The following PCDHGB1 variants were observed in gnomAD, a reference collection of about 807,000 sequenced individuals.
The protein encoded by PCDHGB1 is protocadherin gamma subfamily B, 1.
In PCDHGB1, 34 loss-of-function variants were observed where a neutral mutation model predicts 56.6. The ratio of observed to expected loss-of-function variants is 0.60; its 90% CI spans 0.46 to 0.80. PCDHGB1 has a LOEUF of 0.80. Among genes scored for constraint, PCDHGB1 ranks in the 30% least tolerant of loss-of-function variants. The pLI is 0.00. For synonymous variants in PCDHGB1, 561 were observed against 505.9 expected (o/e 1.11, Z -1.46); for missense variants, 1,278 against 1,204.6 (o/e 1.06, Z -0.90).
At chr5:141,410,041 G>A (rs763879404) in intron 1 of PCDHGB1, 2 of 1,613,228 alleles carry the variant, frequency 1.2e-6, no homozygotes, top group East Asian at 2.2e-5. Flanking sequence ...AGGCCAGTGA[G>A]CCCGGACTCT....
intron 1 of PCDHGB1, among the ~76,000 whole-genome samples, chr5:141,451,611 G>C (rs1004906441): frequency 6.6e-6 from 1 of 152,166 alleles, no homozygotes; most frequent in Admixed American, 6.5e-5. Context: ...GCTAGGCATG[G>C]TGGCTCAAAC....
intron 1 of PCDHGB1, chr5:141,416,068 A>G (rs940843403): frequency 1.2e-5 from 2 of 173,694 alleles, no homozygotes; most frequent in Non-Finnish European, 2.4e-5. Context: ...AGAATACTCA[A>G]TGCAGTTCTT....
chr5:141,426,310 A>G, intron 1 of PCDHGB1: 1 of 173,588 alleles, frequency 5.8e-6, no homozygotes. Context: ...GAAGCAGAGA[A>G]GCAGGACCCG....
At chr5:141,408,953 CTT>C in intron 1 of PCDHGB1, 1 of 1,613,552 alleles carries the variant, frequency 6.2e-7, no homozygotes, top group Non-Finnish European at 8.5e-7. Context: ...TAGAATTAGT[CTT>C]AGTGAAAATC....
chr5:141,475,950 C>A, intron 1 of PCDHGB1: 1 of 761,530 alleles, frequency 1.3e-6, no homozygotes, highest in African/African-American at 1.7e-5. Flanking sequence ...CCCCTTTCTG[C>A]GCCCCGGGAT....
chr5:141,446,692 G>T (rs543476108), intron 1 of PCDHGB1, among the ~76,000 whole-genome samples: 2 of 152,280 alleles, frequency 1.3e-5, no homozygotes, highest in African/African-American at 4.8e-5. Context: ...TGGCCAGGCT[G>T]GTCTCGAACT....
chr5:141,355,033 T>C, intron 1 of PCDHGB1: 1 of 1,004,180 alleles, frequency 1.0e-6, no homozygotes, highest in African/African-American at 1.6e-5. Flanking sequence ...AATCACAAGA[T>C]TTCTGCAGCA....
intron 1 of PCDHGB1, chr5:141,397,930 G>C (rs898785209): frequency 5.2e-6 from 4 of 775,998 alleles, no homozygotes; most frequent in Non-Finnish European, 8.1e-6. Flanking sequence ...TCGCGCAGCC[G>C]CAGCGCGCTT....
chr5:141,402,937 C>A, intron 1 of PCDHGB1: 2 of 1,588,498 alleles, frequency 1.3e-6, no homozygotes, highest in Non-Finnish European at 1.7e-6. Flanking sequence ...TGAGAAAATT[C>A]CAAAGCGAGG....
At position 141,476,789 on chromosome 5, in the gene PCDHGB1, T is replaced by C; in HGVS notation, c.2410-18018T>C. ...GTTGGACGGAGGGACCCCAGCTCTC[T>C]CCGCCAGCCTGCCTATTCACATCAA... On this transcript the variant is annotated intron_variant, in intron 1 of 3. Transcript: ENST00000523390. The surrounding 1 kb of genome is among the most constrained non-coding windows in gnomAD (Gnocchi z 7.6). 1.2e-6 allele frequency: 2 copies of C among 1,613,374 alleles called. No individual in the cohort carries two copies. The highest frequency in any genetic ancestry group is 4.5e-5 in the East Asian group (2 of 44,864).
At chr5:141,479,535 G>A (rs539785154) in intron 1 of PCDHGB1, 2 of 152,378 alleles carry the variant, frequency 1.3e-5, no homozygotes, top group Non-Finnish European at 2.9e-5. Context: ...AAGTGGAGAA[G>A]GTCAAAACTG....
At chr5:141,400,126 G>A (rs1428204829) in intron 1 of PCDHGB1, 2 of 1,613,972 alleles carry the variant, frequency 1.2e-6, no homozygotes, top group East Asian at 2.2e-5. Context: ...CTTGCAGGAG[G>A]TGCTGCCGGA....
Position 141,477,588 on chromosome 5 carries a change from G to T in PCDHGB1, c.2410-17219G>T. 1 of 1,614,152 alleles carries T rather than the reference G, an allele frequency of 6.2e-7. No individual in the cohort carries two copies. The highest frequency in any genetic ancestry group is 8.5e-7 in the Non-Finnish European group (1 of 1,180,040). ...GACCCCGACGCCCCGCAGAATGCTCGGCTTTCTTTCTTTCTCTTGGAGCAA... is the reference window on the plus strand; with the variant it reads ...GACCCCGACGCCCCGCAGAATGCTCTGCTTTCTTTCTTTCTCTTGGAGCAA... On this transcript the variant is annotated intron_variant, in intron 1 of 3. Coordinates refer to ENST00000523390, the MANE Select transcript of PCDHGB1 (RefSeq NM_018922.3). This position sits in a 1 kb window ranked among gnomAD's most constrained non-coding sequence, Gnocchi z 4.9.
At chr5:141,418,629 C>T in intron 1 of PCDHGB1, 1 of 1,614,014 alleles carries the variant, frequency 6.2e-7, no homozygotes, top group Non-Finnish European at 8.5e-7. Context: ...GACGTGCCTC[C>T]AGGCACCTCC....
chr5:141,464,530 T>C (rs375523203), intron 1 of PCDHGB1, among the ~76,000 whole-genome samples: 1 of 152,108 alleles, frequency 6.6e-6, no homozygotes, highest in African/African-American at 2.4e-5. Flanking sequence ...TATGTAGTTT[T>C]GTTAAATATA....
chr5:141,420,287 A>C, intron 1 of PCDHGB1: 1 of 1,498,884 alleles, frequency 6.7e-7, no homozygotes, highest in African/African-American at 1.4e-5. Context: ...AAGTATTTAA[A>C]AATGTATTTA....
At chr5:141,404,266 C>T in intron 1 of PCDHGB1, 1 of 1,613,980 alleles carries the variant, frequency 6.2e-7, no homozygotes. Flanking sequence ...AAATTCACAT[C>T]ACCCTGCAAG....
At chr5:141,384,184 A>T (rs1179495803) in intron 1 of PCDHGB1, 1 of 1,613,758 alleles carries the variant, frequency 6.2e-7, no homozygotes, top group Non-Finnish European at 8.5e-7. Flanking sequence ...AGATGGTGGA[A>T]CTCCTCCCTT....
In PCDHGB1 at chr5:141,486,172, T is replaced by C; in HGVS notation, c.2410-8635T>C. ...GGGGTTCTCCAGCCATGGAGCAACA[T>C]TGCAGCCTTCGAGTGGATCTGCTGG... On this transcript the variant is annotated intron_variant, in intron 1 of 3. Transcript: ENST00000523390. The surrounding 1 kb of genome is among the most constrained non-coding windows in gnomAD (Gnocchi z 5.0). 3 of 1,614,212 alleles carry C rather than the reference T, an allele frequency of 1.9e-6. No homozygotes were observed. Among genetic ancestry groups the C allele is most frequent in the Admixed American group, 1.7e-5 (1 of 60,036 alleles).
Sources: gnomAD v4.1 joint callset for allele counts (sites outside exome capture counted in the v4.1 genomes callset) on GRCh38, gnomAD v4.1.1 for gene constraint, Gnocchi (gnomAD v3.1) non-coding constraint, MANE v1.5 for transcripts, NCBI Gene and HGNC (gene_info 2026-07-23, HGNC 2026-07-21) for gene names.